SNX21: variants seen among roughly 807,000 people sequenced by gnomAD.
The protein encoded by SNX21 is sorting nexin family member 21, also known as sorting nexin-21.
In SNX21, 36 loss-of-function variants were observed where a neutral mutation model predicts 30.9. The ratio of observed to expected loss-of-function variants is 1.16; its 90% CI spans 0.89 to 1.54. The LOEUF is 1.54. Ranked by LOEUF, SNX21 falls within the 40% of genes most tolerant of loss-of-function variation. SNX21 has a pLI of 0.00. For missense variants in SNX21, 508 were observed against 516.5 expected, an observed-to-expected ratio of 0.98 and a Z score of 0.16; for synonymous variants, 218 against 222.7, an observed-to-expected ratio of 0.98 and a Z score of 0.19.
intron 3 of SNX21, among the ~76,000 whole-genome samples, 199 bp downstream of exon 3, chr20:45,835,315 G>A (rs1161682013): frequency 1.3e-5 from 2 of 152,200 alleles, no homozygotes; most frequent in African/African-American, 2.4e-5. Context: ...ACTGACTGAA[G>A]TGGGGATTAA....
At position 45,841,539 on chromosome 20, in the gene SNX21, T is replaced by A; in HGVS notation, c.*226T>A. 1 of 1,385,772 alleles carries A rather than the reference T, an allele frequency of 7.2e-7. No homozygotes were observed. The highest frequency in any genetic ancestry group is 1.8e-5 in the South Asian group (1 of 54,886). The allele number at this position is 1,385,772 out of a possible 1,614,324, so 85.8% of individuals were successfully genotyped here. ...TAGTACAGGGAAGTCTGACACAGCC[T>A]CTCCAGCCTATAAACAGCCGGGGGG... On this transcript the variant is annotated 3_prime_UTR_variant, in exon 4 of 4. Transcript: ENST00000491381.
At position 45,841,905 on chromosome 20, in the gene SNX21, A is replaced by G; in HGVS notation, c.*592A>G. The G allele has an allele frequency of 6.2e-7, 1 of 1,612,694 alleles. No homozygotes were observed. The highest frequency in any genetic ancestry group is 1.7e-5 in the Admixed American group (1 of 59,908). On this transcript the variant is annotated 3_prime_UTR_variant, in exon 4 of 4. Coordinates refer to ENST00000491381, the MANE Select transcript of SNX21 (RefSeq NM_033421.4). The stretch of plus-strand genomic sequence containing the variant: ...GCCCTCCTGGGCACAGGTCACAGCT[A>G]GGACTCCATCCTGACGCCACAGCCG...
chr20:45,838,824 G>A (rs1181158287), intron 3 of SNX21, among the ~76,000 whole-genome samples: 4 of 152,016 alleles, frequency 2.6e-5, no homozygotes, highest in African/African-American at 9.7e-5. Context: ...GTTGCCTGAA[G>A]GAGGCCCTGA....
At chr20:45,836,422 C>G (rs1160448669) in intron 3 of SNX21, among the ~76,000 whole-genome samples, 1 of 128,472 alleles carries the variant, frequency 7.8e-6, no homozygotes, top group Non-Finnish European at 1.6e-5. Flanking sequence ...ACCCAGGAGG[C>G]AGAGTTTGCA....
In SNX21 at chr20:45,842,575, C is replaced by T; in HGVS notation, c.*1262C>T. The T allele has an allele frequency of 1.0e-6, 1 of 994,968 alleles. No homozygotes were observed. Among genetic ancestry groups the T allele is most frequent in the Non-Finnish European group, 1.2e-6 (1 of 835,832 alleles). 61.6% of individuals were successfully genotyped at this position (994,968 alleles called of 1,614,324 possible). On this transcript the variant is annotated 3_prime_UTR_variant, in exon 4 of 4. Transcript: ENST00000491381. ...GGCCTCTTCCCTCCCCATCTGGAGA[C>T]TCTTTCTCCCTTGCTGGCTTTGGGC...
intron 3 of SNX21, among the ~76,000 whole-genome samples, chr20:45,839,564 C>T (rs769167801): frequency 1.3e-5 from 2 of 151,880 alleles, no homozygotes; most frequent in African/African-American, 2.4e-5. Context: ...CAAAACCAAA[C>T]TGAGAGCTTC....
chr20:45,833,869 A>T lies in SNX21; in HGVS notation c.-51A>T, dbSNP rs1983223140. ...GCCCTGCAGAACCCGGCCGACCTCC[A>T]TGGGCTGCGGGGGGCTGCACCCGGA... On this transcript the variant is annotated 5_prime_UTR_variant, in exon 1 of 4. An upstream start codon of the reference 5' UTR is lost. Coordinates refer to ENST00000491381, the MANE Select transcript of SNX21 (RefSeq NM_033421.4). 7.5e-7 allele frequency: 1 copy of T among 1,325,440 alleles called. No individual in the cohort carries two copies. Among genetic ancestry groups the T allele is most frequent in the African/African-American group, 1.5e-5 (1 of 64,778 alleles). The allele number at this position is 1,325,440 out of a possible 1,614,324, so 82.1% of individuals were successfully genotyped here.
At position 45,840,809 on chromosome 20, in the gene SNX21, A is replaced by G; in HGVS notation, c.618A>G (p.Ala206=). 1 of 1,613,912 alleles carries G rather than the reference A, an allele frequency of 6.2e-7. No homozygotes were observed. Among genetic ancestry groups the G allele is most frequent in the Non-Finnish European group, 8.5e-7 (1 of 1,180,030 alleles). ...AGCGGCTGCGCCGGAATTTTACTGC[A>G]GAGACCATTGCCCGCCGTAGCCGGG... ...PRKRLRRNFT[A]ETIARRSRAF... is the part of the protein sequence containing the mutation. The change falls in exon 4 of 4, where the codon GCA becomes GCG. Residue 206 remains alanine (A), a synonymous_variant. Transcript: ENST00000491381.
rs781248997 is a variant in SNX21 at position 45,834,965 on chromosome 20, G to GCC, written c.301_302dup (p.Pro102HisfsTer35). ...ACTGGTCATGTGTCTGCAGAACGGA[G>GCC]CCCCCCACCTGATGGGCAGTGGGGC... is the stretch of plus-strand genomic sequence containing the variant. On this transcript the variant is annotated frameshift_variant, in exon 3 of 4. Coordinates refer to ENST00000491381, the MANE Select transcript of SNX21 (RefSeq NM_033421.4). LOFTEE classifies it high-confidence loss of function. 3.1e-6 allele frequency: 5 copies of GCC among 1,613,472 alleles called. No homozygotes were observed. In the Admixed American group the frequency reaches 6.7e-5, roughly 22 times the overall value.
rs540853632 is a variant in SNX21 at position 45,834,305 on chromosome 20, C to G, written c.126C>G (p.Ser42Arg). ...CAGAGGCCGAGCAGTTTCCGGAGAG[C>G]TCAGAGCTGGAGGACGACGACGCCG... ...ASPEAEQFPE[S>R]SELEDDDAEG... The change falls in exon 2 of 4, where the codon AGC (serine) becomes AGG (arginine). Residue 42 changes from serine to arginine, a missense_variant. Physicochemically the swap from Ser to Arg is moderately radical, Grantham distance 110. Coordinates refer to ENST00000491381, the MANE Select transcript of SNX21 (RefSeq NM_033421.4). The G allele has an allele frequency of 6.3e-7, 1 of 1,596,354 alleles. No homozygotes were observed. The highest frequency in any genetic ancestry group is 1.7e-5 in the Admixed American group (1 of 58,544).
chr20:45,834,383 CGACGAG>C lies in SNX21; in HGVS notation c.210_215del (p.Glu70_Asp71del). 3.7e-6 allele frequency: 6 copies of C among 1,601,506 alleles called. No homozygotes were observed. Among genetic ancestry groups the C allele is most frequent in the Non-Finnish European group, 5.1e-6 (6 of 1,176,706 alleles). On this transcript the variant is annotated inframe_deletion, in exon 2 of 4. Transcript: ENST00000491381. ...CCCTCAGCTTCACCAGCGCCGAGGA[CGACGAG>C]GACGACGAGGACGAGGACGACGAGG...
intron 1 of SNX21, 31 bp downstream of exon 1, chr20:45,833,971 T>A: frequency 3.5e-6 from 5 of 1,437,572 alleles, no homozygotes; most frequent in Non-Finnish European, 4.5e-6. Context: ...GCAAGAGACA[T>A]CGGGAGGGTC....
At position 45,843,165 on chromosome 20, in the gene SNX21, T is replaced by C. The variant is rs187889303; in HGVS notation, c.*1852T>C. 5.2e-4 allele frequency: 322 copies of C among 614,736 alleles called. 4 individuals carry two copies. The East Asian group carries it at 0.019, about 36-fold the overall frequency. 38.1% of individuals were successfully genotyped at this position (614,736 alleles called of 1,614,324 possible). A position where few individuals can be genotyped will look rare whatever the true frequency, so the allele number is the denominator to read the frequency against. ...ATCCCCAAATGGCAGTCTGATGGACTGCGGGTTTGGATACCACTGCTGTAA... is the reference window on the plus strand; with the variant it reads ...ATCCCCAAATGGCAGTCTGATGGACCGCGGGTTTGGATACCACTGCTGTAA... On this transcript the variant is annotated 3_prime_UTR_variant, in exon 4 of 4. Transcript: ENST00000491381.
chr20:45,840,059 A>G, intron 3 of SNX21: 1 of 767,832 alleles, frequency 1.3e-6, no homozygotes, highest in Non-Finnish European at 1.6e-6. Flanking sequence ...TAGAAACAGA[A>G]GTGGACCCAG....
In SNX21 at chr20:45,841,882, C is replaced by T. The variant is rs1459610894; in HGVS notation, c.*569C>T. The T allele has an allele frequency of 6.2e-7, 1 of 1,611,020 alleles. No homozygotes were observed. The highest frequency in any genetic ancestry group is 1.7e-5 in the Admixed American group (1 of 59,750). On this transcript the variant is annotated 3_prime_UTR_variant, in exon 4 of 4. Transcript: ENST00000491381. ...ACCTGGGGCTTCACTCGGATCACGC[C>T]CTCCTGGGCACAGGTCACAGCTAGG...
rs767723058 is a variant in SNX21 at position 45,841,033 on chromosome 20, G to A, written c.842G>A (p.Arg281His). Residue 281 changes from arginine (R) to histidine (H), a missense_variant, in exon 4 of 4, where the codon CGC becomes CAC. Arg to His is a conservative substitution (Grantham distance 29). Transcript: ENST00000491381. ...CTGGGCACCCCCTCTGGCCCAGACC[G>A]CCCCCTGCTGACCCTGGCTGGGCTG... ...AQLGTPSGPDRPLLTLAGLAV... is the reference protein window; with the variant it reads ...AQLGTPSGPDHPLLTLAGLAV... 38 of 1,608,966 alleles carry A rather than the reference G, an allele frequency of 2.4e-5. No homozygotes were observed. The highest frequency in any genetic ancestry group is 4.0e-5 in the African/African-American group (3 of 74,878).
chr20:45,833,807 G>C lies in SNX21; in HGVS notation c.-113G>C. On this transcript the variant is annotated 5_prime_UTR_variant, in exon 1 of 4. Coordinates refer to ENST00000491381, the MANE Select transcript of SNX21 (RefSeq NM_033421.4). ...GGAGGCGGGGCGGCGGCAGGAAGCT[G>C]CCCGAGCGGCGCTCTGAGCGGCCTG... 1 of 1,111,824 alleles carries C rather than the reference G, an allele frequency of 9.0e-7. No individual in the cohort carries two copies. Among genetic ancestry groups the C allele is most frequent in the Non-Finnish European group, 1.1e-6 (1 of 874,172 alleles). 68.9% of individuals were successfully genotyped at this position (1,111,824 alleles called of 1,614,324 possible).
intron 3 of SNX21, among the ~76,000 whole-genome samples, chr20:45,839,023 A>G (rs1983779576): frequency 6.6e-6 from 1 of 151,508 alleles, no homozygotes; most frequent in Non-Finnish European, 1.5e-5. Context: ...CCTCCCAAGT[A>G]GCTGGGATTA....
Position 45,841,656 on chromosome 20 carries a change from G to A in SNX21, c.*343G>A, listed in dbSNP as rs1016483818. On this transcript the variant is annotated 3_prime_UTR_variant, in exon 4 of 4. Transcript: ENST00000491381. ...GAAGGCCAGGGACTCTGCCCCTGGA[G>A]TCCTGGAGTTAAGGGATGAAGGCAA... 6 of 1,420,578 alleles carry A rather than the reference G, an allele frequency of 4.2e-6. No individual in the cohort carries two copies. In the African/African-American group the frequency reaches 8.6e-5, roughly 20 times the overall value. The allele number at this position is 1,420,578 out of a possible 1,614,324, so 88.0% of individuals were successfully genotyped here.
Sources: gnomAD v4.1 joint callset for allele counts (sites outside exome capture counted in the v4.1 genomes callset) on GRCh38, gnomAD v4.1.1 for gene constraint, MANE v1.5 for transcripts, NCBI Gene and HGNC (gene_info 2026-07-23, HGNC 2026-07-21) for gene names.